NT5DC3: variants seen among roughly 807,000 people sequenced by gnomAD.
The protein encoded by NT5DC3 is 5'-nucleotidase domain containing 3.
NT5DC3 carries 42 observed loss-of-function variants against 67.8 expected under a neutral mutation model. The observed-to-expected ratio is 0.62, with a 90% confidence interval of 0.48 to 0.80. The LOEUF (loss-of-function observed/expected upper bound fraction) is 0.80, where lower values mean the gene tolerates loss of function less well. Among genes scored for constraint, NT5DC3 ranks in the 30% least tolerant of loss-of-function variants. The pLI is 0.00. For missense variants in NT5DC3, 570 were observed against 696.4 expected (o/e 0.82, Z 2.04); for synonymous variants, 237 against 255.6 (o/e 0.93, Z 0.69).
In NT5DC3 at chr12:103,776,275, G is replaced by A. The variant is rs953541012; in HGVS notation, c.*1554C>T. On this transcript the variant is annotated 3_prime_UTR_variant, in exon 14 of 14. Coordinates refer to ENST00000392876, the MANE Select transcript of NT5DC3 (RefSeq NM_001031701.3). ...CCCTAGAAAGAAATGAAAAAAGCAGGCCAGGTGCGGTGGCTCACACCTGTA... is the reference window on the plus strand; with the variant it reads ...CCCTAGAAAGAAATGAAAAAAGCAGACCAGGTGCGGTGGCTCACACCTGTA... The A allele has an allele frequency of 1.3e-5, 2 of 152,188 alleles. No individual in the cohort carries two copies. The highest frequency in any genetic ancestry group is 4.8e-5 in the African/African-American group (2 of 41,426). The allele number at this position is 152,188 out of a possible 1,614,324, so 9.4% of individuals were successfully genotyped here. A position where few individuals can be genotyped will look rare whatever the true frequency, so the allele number is the denominator to read the frequency against.
intron 6 of NT5DC3, among the ~76,000 whole-genome samples, chr12:103,796,408 T>G (rs1009422128): frequency 1.2e-4 from 19 of 152,176 alleles, no homozygotes; most frequent in Admixed American, 2.0e-4. Context: ...TCCCAGCTAC[T>G]TGGGAGGCTG....
Position 103,833,379 on chromosome 12 carries a change from T to G in NT5DC3, c.208+7570A>C, listed in dbSNP as rs150995879. The stretch of plus-strand genomic sequence containing the variant: ...TCTAATTTTAAAATTATCTCAAGAG[T>G]ATCTTTAACCCAATGCAGTTGCTTG... On this transcript the variant is annotated intron_variant, in intron 1 of 13. Coordinates refer to ENST00000392876, the MANE Select transcript of NT5DC3 (RefSeq NM_001031701.3). 3.5e-3 allele frequency among the ~76,000 whole-genome samples: 537 copies of G among 152,234 alleles called. 4 individuals are homozygous for G. Among genetic ancestry groups the G allele is most frequent in the African/African-American group, 0.013 (524 of 41,532 alleles).
chr12:103,753,558 T>C, the NT5DC3 span, among the ~76,000 whole-genome samples: 5 of 152,210 alleles, frequency 3.3e-5, no homozygotes, highest in Admixed American at 1.3e-4. Flanking sequence ...GTGGATATTA[T>C]TGTTCATCCT....
chr12:103,772,899 T>A lies in NT5DC3; in HGVS notation c.*4930A>T, dbSNP rs771136257. On this transcript the variant is annotated 3_prime_UTR_variant, in exon 14 of 14. Coordinates refer to ENST00000392876, the MANE Select transcript of NT5DC3 (RefSeq NM_001031701.3). ...AGCACTCCCAGCTGTTAGGGGAGTATGTCCTTCAGTCTGGAAAGGTCATCC... is the reference window on the plus strand; with the variant it reads ...AGCACTCCCAGCTGTTAGGGGAGTAAGTCCTTCAGTCTGGAAAGGTCATCC... 1 of 152,242 alleles carries A rather than the reference T, an allele frequency of 6.6e-6. No homozygotes were observed. Among genetic ancestry groups the A allele is most frequent in the Admixed American group, 6.5e-5 (1 of 15,280 alleles). The allele number at this position is 152,242 out of a possible 1,614,324, so 9.4% of individuals were successfully genotyped here. A position where few individuals can be genotyped will look rare whatever the true frequency, so the allele number is the denominator to read the frequency against.
At chr12:103,811,955 G>A (rs1423692063) in intron 2 of NT5DC3, among the ~76,000 whole-genome samples, 6 of 152,020 alleles carry the variant, frequency 3.9e-5, no homozygotes, top group South Asian at 4.2e-4. Context: ...GAACAATCAG[G>A]TGATCAATGG....
chr12:103,819,005 T>C (rs150303697), intron 1 of NT5DC3, among the ~76,000 whole-genome samples: 2 of 152,328 alleles, frequency 1.3e-5, no homozygotes, highest in African/African-American at 4.8e-5. Context: ...TAGAAGTTTA[T>C]ATTTAGAAAT....
At chr12:103,821,031 C>T (rs1887468560) in intron 1 of NT5DC3, among the ~76,000 whole-genome samples, 1 of 152,198 alleles carries the variant, frequency 6.6e-6, no homozygotes, top group African/African-American at 2.4e-5. Context: ...CTGGTCACAA[C>T]AGATCACAGG....
chr12:103,808,891 G>A (rs896227291), intron 2 of NT5DC3, among the ~76,000 whole-genome samples: 1 of 152,226 alleles, frequency 6.6e-6, no homozygotes, highest in African/African-American at 2.4e-5. Flanking sequence ...CATATGCTAT[G>A]TGCCACACAC....
At chr12:103,818,205 C>G (rs1887343123) in intron 1 of NT5DC3, among the ~76,000 whole-genome samples, 1 of 152,196 alleles carries the variant, frequency 6.6e-6, no homozygotes, top group Non-Finnish European at 1.5e-5. Context: ...TATATCCCTA[C>G]ACAGAATTTC....
At chr12:103,821,212 A>T (rs78660952) in intron 1 of NT5DC3, among the ~76,000 whole-genome samples, 22,124 of 152,290 alleles carry the variant, frequency 0.15, 1,986 homozygotes, top group East Asian at 0.47. Context: ...AGACTCTGCA[A>T]GAGTGAGAAA....
chr12:103,832,239 C>T (rs1390729210), intron 1 of NT5DC3, among the ~76,000 whole-genome samples: 1 of 151,848 alleles, frequency 6.6e-6, no homozygotes, highest in African/African-American at 2.4e-5. Context: ...AGCCAAAGTC[C>T]AAAAGAACTC....
the NT5DC3 span, among the ~76,000 whole-genome samples, chr12:103,756,999 ATATATATATAT>A: frequency 0.11 from 5,238 of 47,222 alleles, 207 homozygotes; most frequent in South Asian, 0.31. Flanking sequence ...GAGGGAAAAT[ATATATATATAT>A]ATATATATAT....
At chr12:103,815,870 T>C (rs867522281) in intron 1 of NT5DC3, among the ~76,000 whole-genome samples, 21 of 152,342 alleles carry the variant, frequency 1.4e-4, no homozygotes, top group African/African-American at 4.8e-4. Flanking sequence ...AAAAAAGATT[T>C]GTTTAAAAAA....
chr12:103,841,160 T>C lies in NT5DC3; in HGVS notation c.-4A>G. 1 of 715,800 alleles carries C rather than the reference T, an allele frequency of 1.4e-6. No individual in the cohort carries two copies. The highest frequency in any genetic ancestry group is 2.2e-6 in the Non-Finnish European group (1 of 463,668). The allele number at this position is 715,800 out of a possible 1,614,324, so 44.3% of individuals were successfully genotyped here. A position where few individuals can be genotyped will look rare whatever the true frequency, so the allele number is the denominator to read the frequency against. Reference sequence around the variant, plus strand: ...CCGCCGCCGCTGCCATGGTCATGCCTGCTGCCTGCTGCCGCCACCGCCGCC... The same window carrying C: ...CCGCCGCCGCTGCCATGGTCATGCCCGCTGCCTGCTGCCGCCACCGCCGCC... On this transcript the variant is annotated 5_prime_UTR_variant, in exon 1 of 14. Transcript: ENST00000392876.
intron 9 of NT5DC3, among the ~76,000 whole-genome samples, chr12:103,792,480 T>A (rs1035159563): frequency 6.6e-6 from 1 of 152,182 alleles, no homozygotes; most frequent in Admixed American, 6.5e-5. Context: ...TACAAGTAAT[T>A]TTTTTAGAAC....
intron 12 of NT5DC3, among the ~76,000 whole-genome samples, chr12:103,782,223 G>T (rs1191175980): frequency 1.3e-5 from 2 of 152,124 alleles, no homozygotes; most frequent in Non-Finnish European, 2.9e-5. Context: ...ACAAAAATTA[G>T]CTGGGCATGC....
Position 103,796,466 on chromosome 12 carries a change from C to T in NT5DC3, c.753+428G>A, listed in dbSNP as rs547976450. Among the ~76,000 whole-genome samples, 8 of 152,096 alleles carry T rather than the reference C, an allele frequency of 5.3e-5. No homozygotes were observed. In the South Asian group the frequency reaches 1.7e-3, roughly 32 times the overall value. On this transcript the variant is annotated intron_variant, in intron 6 of 13. Coordinates refer to ENST00000392876, the MANE Select transcript of NT5DC3 (RefSeq NM_001031701.3). ...CGGGAGGCCCGGGAGGCAGAGGTTG[C>T]AGTGAGCCAAGATCACGCCACTGCA... is the stretch of plus-strand genomic sequence containing the variant.
intron 6 of NT5DC3, among the ~76,000 whole-genome samples, chr12:103,796,576 T>C (rs1886326120): frequency 6.6e-6 from 1 of 151,912 alleles, no homozygotes; most frequent in African/African-American, 2.4e-5. Flanking sequence ...GGTGAGTAGG[T>C]ACAGGCTGGA....
At chr12:103,771,231 T>A (rs1051288722), downstream of NT5DC3, 3 of 152,226 alleles carry the variant, frequency 2.0e-5, no homozygotes, top group Admixed American at 1.3e-4. Flanking sequence ...AGTGGCCTCC[T>A]GTGGAGGATG....
Sources: gnomAD v4.1 joint callset for allele counts (sites outside exome capture counted in the v4.1 genomes callset) on GRCh38, gnomAD v4.1.1 for gene constraint, MANE v1.5 for transcripts, NCBI Gene and HGNC (gene_info 2026-07-23, HGNC 2026-07-21) for gene names.